The following UST variants were observed in gnomAD, a reference collection of about 807,000 sequenced individuals.
The protein encoded by UST is chondroitin sulfate 2-O-sulfotransferase.
In UST, 21 loss-of-function variants were observed where a neutral mutation model predicts 45.6. The observed-to-expected ratio is 0.46, with a 90% CI of 0.33 to 0.66. UST has a LOEUF of 0.66. Ranked by LOEUF, UST falls within the 30% of genes least tolerant of loss-of-function variation. The probability of loss-of-function intolerance (pLI) is 0.02; values close to 1 mark genes in which losing one functional copy is unlikely to be tolerated. For synonymous variants in UST, 215 were observed against 200.6 expected (o/e 1.07, Z -0.61); for missense variants, 463 against 512.4 (o/e 0.90, Z 0.93).
chr6:148,983,722 A>C (rs189014204), intron 5 of UST, among the ~76,000 whole-genome samples: 59 of 152,376 alleles, frequency 3.9e-4, no homozygotes, highest in Non-Finnish European at 1.2e-4. Context: ...TTAAGTTCTG[A>C]AACAAAATGA....
chr6:149,017,503 A>G (rs994274503), intron 5 of UST, among the ~76,000 whole-genome samples: 2 of 152,206 alleles, frequency 1.3e-5, no homozygotes, highest in South Asian at 2.1e-4. Context: ...ACTGCTTTCA[A>G]TCGTGTGCTG....
chr6:148,941,762 C>G (rs1233865866), intron 3 of UST, among the ~76,000 whole-genome samples: 1 of 152,196 alleles, frequency 6.6e-6, no homozygotes, highest in East Asian at 1.9e-4. Flanking sequence ...GACATCTTCA[C>G]CATCAAAATG....
At chr6:149,073,709 T>C in intron 7 of UST, 124 bp from the exon 8 acceptor site, 1 of 1,107,962 alleles carries the variant, frequency 9.0e-7, no homozygotes, top group Non-Finnish European at 1.3e-6. Flanking sequence ...TCTCTTCTAA[T>C]ACTTGGATAT....
intron 7 of UST, among the ~76,000 whole-genome samples, chr6:149,045,890 A>G (rs1048634039): frequency 9.2e-5 from 14 of 152,126 alleles, no homozygotes; most frequent in African/African-American, 2.7e-4. Context: ...AGTCCTTTCA[A>G]TTATACCTTA....
At chr6:148,935,931 C>A (rs971655655) in intron 2 of UST, among the ~76,000 whole-genome samples, 13 of 152,168 alleles carry the variant, frequency 8.5e-5, no homozygotes, top group African/African-American at 2.9e-4. Context: ...GCTGATGATA[C>A]TGGTTGTGAT....
intron 7 of UST, among the ~76,000 whole-genome samples, chr6:149,070,306 A>C (rs1301612396): frequency 6.6e-6 from 1 of 152,240 alleles, no homozygotes; most frequent in Non-Finnish European, 1.5e-5. Context: ...GGAACACCTA[A>C]GACCTGTGAA....
intron 1 of UST, among the ~76,000 whole-genome samples, chr6:148,783,938 A>C (rs1036277197): frequency 7.2e-5 from 11 of 152,190 alleles, no homozygotes; most frequent in African/African-American, 2.4e-4. Flanking sequence ...TGATATCTTC[A>C]AAGTCACACA....
At chr6:148,840,079 G>C (rs1777861006) in intron 1 of UST, among the ~76,000 whole-genome samples, 1 of 152,078 alleles carries the variant, frequency 6.6e-6, no homozygotes, top group Non-Finnish European at 1.5e-5. Flanking sequence ...GCAAACAGAG[G>C]GTATCTAATA....
chr6:148,789,426 ATCTCTCTC>A (rs751939500), intron 1 of UST, among the ~76,000 whole-genome samples: 7 of 143,626 alleles, frequency 4.9e-5, no homozygotes, highest in African/African-American at 1.6e-4. Context: ...TCTTGTGCAG[ATCTCTCTC>A]TCTCTCTCTC....
At chr6:148,947,793 C>G (rs1219417805) in intron 3 of UST, among the ~76,000 whole-genome samples, 1 of 152,064 alleles carries the variant, frequency 6.6e-6, no homozygotes, top group Non-Finnish European at 1.5e-5. Context: ...CCAACTGGAC[C>G]TTAGAGTCAA....
intron 4 of UST, among the ~76,000 whole-genome samples, chr6:148,963,231 G>A (rs1780704312): frequency 6.6e-6 from 1 of 152,176 alleles, no homozygotes; most frequent in Non-Finnish European, 1.5e-5. Context: ...CAGGAGCGGG[G>A]TCCTGTCAGT....
intron 5 of UST, chr6:148,990,464 C>T (rs1781327074): frequency 2.2e-6 from 2 of 922,570 alleles, no homozygotes; most frequent in East Asian, 1.2e-4. Context: ...AGCTGCTTGA[C>T]CTCTTTAACG....
intron 5 of UST, among the ~76,000 whole-genome samples, chr6:149,017,434 A>C (rs1246123318): frequency 6.6e-6 from 1 of 152,156 alleles, no homozygotes; most frequent in Admixed American, 6.5e-5. Context: ...CACTTCAAAA[A>C]AGGAATAAGG....
chr6:148,950,626 T>C (rs1012409286), intron 3 of UST, among the ~76,000 whole-genome samples: 2 of 152,226 alleles, frequency 1.3e-5, no homozygotes, highest in Admixed American at 6.5e-5. Context: ...TTTTATGTTC[T>C]GCCTTTTGTA....
At chr6:148,972,259 G>A (rs903810851) in intron 5 of UST, among the ~76,000 whole-genome samples, 1 of 152,214 alleles carries the variant, frequency 6.6e-6, no homozygotes, top group African/African-American at 2.4e-5. Flanking sequence ...GTTGGGAGCG[G>A]CTTCCCAGAA....
intron 2 of UST, among the ~76,000 whole-genome samples, chr6:148,911,735 A>G (rs541135006): frequency 4.9e-4 from 75 of 152,342 alleles, no homozygotes; most frequent in Non-Finnish European, 8.5e-4. Context: ...CAGACATGAA[A>G]CCGGAATTGT....
At chr6:148,865,883 T>C (rs1778419585) in intron 1 of UST, among the ~76,000 whole-genome samples, 1 of 152,164 alleles carries the variant, frequency 6.6e-6, no homozygotes, top group Admixed American at 6.6e-5. Flanking sequence ...TTTTGGGGAC[T>C]ATGCATGGAA....
chr6:148,902,056 T>A (rs1779269593), intron 2 of UST, among the ~76,000 whole-genome samples: 1 of 152,166 alleles, frequency 6.6e-6, no homozygotes, highest in South Asian at 2.1e-4. Flanking sequence ...AGAAAACGAA[T>A]TCCTGATTTT....
intron 1 of UST, among the ~76,000 whole-genome samples, chr6:148,796,150 G>A (rs2114709868): frequency 1.3e-5 from 2 of 152,220 alleles, no homozygotes; most frequent in South Asian, 4.2e-4. Context: ...TCCTCTCTAG[G>A]ATGAGGATTG....
Sources: allele counts gnomAD v4.1 joint callset (sites outside exome capture counted in the v4.1 genomes callset), GRCh38; gene constraint gnomAD v4.1.1; transcripts MANE v1.5; gene names NCBI Gene and HGNC (gene_info 2026-07-23, HGNC 2026-07-21).